Variants in CD96 observed in about 807,000 individuals in gnomAD.
CD96 encodes T-cell surface protein tactile.
CD96 carries 70 observed loss-of-function variants against 71.3 expected under a neutral mutation model. The observed-to-expected ratio is 0.98, with a 90% confidence interval of 0.81 to 1.20. The LOEUF (loss-of-function observed/expected upper bound fraction) is 1.20. Among genes scored for constraint, CD96 ranks in the 50% most tolerant of loss-of-function variants. The probability of loss-of-function intolerance (pLI) is 0.00; values close to 1 mark genes in which losing one functional copy is unlikely to be tolerated. For synonymous variants in CD96, 248 were observed against 233.0 expected (o/e 1.06, Z -0.59); for missense variants, 742 against 677.5 (o/e 1.10, Z -1.06).
intron 12 of CD96, among the ~76,000 whole-genome samples, chr3:111,644,948 T>C (rs949435631): frequency 1.3e-5 from 2 of 152,168 alleles, no homozygotes; most frequent in African/African-American, 2.4e-5. Context: ...TAGAAAACAG[T>C]GTGAAGATTC....
chr3:111,661,548 C>G (rs1940358521), intron 14 of CD96, among the ~76,000 whole-genome samples: 1 of 152,226 alleles, frequency 6.6e-6, no homozygotes, highest in Non-Finnish European at 1.5e-5. Flanking sequence ...AATGAGGGTA[C>G]AGATGTTGGG....
chr3:111,574,494 T>C (rs1189121447), intron 3 of CD96, among the ~76,000 whole-genome samples: 1 of 152,188 alleles, frequency 6.6e-6, no homozygotes, highest in African/African-American at 2.4e-5. Flanking sequence ...CTGTTCTAAA[T>C]TGAAAATTTT....
chr3:111,563,021 C>A (rs1371443505), intron 2 of CD96, among the ~76,000 whole-genome samples: 1 of 152,306 alleles, frequency 6.6e-6, no homozygotes, highest in Admixed American at 6.5e-5. Flanking sequence ...TGAGGGCCTG[C>A]TTGCTAAATC....
chr3:111,659,925 G>C (rs927935217), intron 14 of CD96, among the ~76,000 whole-genome samples: 2 of 152,104 alleles, frequency 1.3e-5, no homozygotes, highest in Non-Finnish European at 2.9e-5. Context: ...ACATCATACT[G>C]AATAGGCAAA....
chr3:111,630,691 CAG>C (rs1409094229), intron 10 of CD96, among the ~76,000 whole-genome samples: 1 of 152,148 alleles, frequency 6.6e-6, no homozygotes, highest in Admixed American at 6.5e-5. Flanking sequence ...CAAAACCTGG[CAG>C]AGATACAACA....
chr3:111,578,289 G>A (rs568888552), intron 3 of CD96, among the ~76,000 whole-genome samples: 17 of 152,258 alleles, frequency 1.1e-4, no homozygotes, highest in Non-Finnish European at 2.2e-4. Flanking sequence ...ATCACAGACC[G>A]AAGAAAGGAT....
At chr3:111,602,994 C>G (rs1170168220) in intron 7 of CD96, among the ~76,000 whole-genome samples, 3 of 152,034 alleles carry the variant, frequency 2.0e-5, no homozygotes, top group South Asian at 4.1e-4. Flanking sequence ...GCCCAGTCTC[C>G]CAAGTGTTCA....
chr3:111,646,654 G>T (rs1199873383), intron 12 of CD96, among the ~76,000 whole-genome samples: 2 of 151,866 alleles, frequency 1.3e-5, no homozygotes, highest in African/African-American at 4.8e-5. Context: ...AAGCAGTTTG[G>T]CTATTGCTCA....
At chr3:111,608,267 A>G (rs1434009359) in intron 8 of CD96, among the ~76,000 whole-genome samples, 2 of 152,188 alleles carry the variant, frequency 1.3e-5, no homozygotes, top group African/African-American at 2.4e-5. Context: ...TTCAAGAAAC[A>G]GTGTGACTAA....
chr3:111,608,381 A>C (rs1317964123), intron 8 of CD96, among the ~76,000 whole-genome samples: 1 of 152,328 alleles, frequency 6.6e-6, no homozygotes. Context: ...TCCATCTTAT[A>C]CTCAAGGGGA....
intron 4 of CD96, among the ~76,000 whole-genome samples, chr3:111,581,248 G>C (rs750176360): frequency 3.3e-5 from 5 of 152,038 alleles, no homozygotes; most frequent in Admixed American, 6.5e-5. Flanking sequence ...TTTGCATTTA[G>C]TAAATTGGCT....
At chr3:111,549,926 CA>C (rs1248726573) in intron 2 of CD96, among the ~76,000 whole-genome samples, 2 of 152,054 alleles carry the variant, frequency 1.3e-5, no homozygotes, top group Non-Finnish European at 2.9e-5. Context: ...GCTGAAGATA[CA>C]GAGTCATCTG....
At chr3:111,549,831 A>C (rs1413127621) in intron 2 of CD96, among the ~76,000 whole-genome samples, 1 of 152,176 alleles carries the variant, frequency 6.6e-6, no homozygotes, top group East Asian at 1.9e-4. Flanking sequence ...AATCTTATAG[A>C]TGTTGAGTTA....
At chr3:111,542,861 G>C (rs1025220111) in intron 1 of CD96, among the ~76,000 whole-genome samples, 4 of 152,192 alleles carry the variant, frequency 2.6e-5, no homozygotes, top group Non-Finnish European at 4.4e-5. Context: ...GTGGGAACGA[G>C]AGCCTAATGG....
intron 12 of CD96, among the ~76,000 whole-genome samples, chr3:111,646,602 T>C (rs1428632063): frequency 6.6e-6 from 1 of 151,788 alleles, no homozygotes; most frequent in East Asian, 1.9e-4. Flanking sequence ...GGAATGCTTA[T>C]ACACTGCCGG....
At chr3:111,627,891 C>T (rs1018644475) in intron 10 of CD96, among the ~76,000 whole-genome samples, 15 of 152,102 alleles carry the variant, frequency 9.9e-5, no homozygotes, top group African/African-American at 3.4e-4. Flanking sequence ...GGGGTAGACC[C>T]GTAGCAAACC....
chr3:111,555,819 A>G (rs1358095300), intron 2 of CD96, among the ~76,000 whole-genome samples: 18 of 152,290 alleles, frequency 1.2e-4, no homozygotes, highest in African/African-American at 4.1e-4. Flanking sequence ...AAATATGTGA[A>G]GTTTTTGGCC....
rs1939994330 is a variant in CD96, at chr3:111,649,740, C to T, written c.1644C>T (p.Ile548=). 1 of 1,614,060 alleles carries T rather than the reference C, an allele frequency of 6.2e-7. No homozygotes were observed. The highest frequency in any genetic ancestry group is 8.5e-7 in the Non-Finnish European group (1 of 1,179,864). The part of the protein sequence containing the change: ...PPPFKPPPPP[I]KYTCIQEPNE... Reference sequence around the variant, plus strand: ...CTTTCAAGCCACCACCACCTCCCATCAAGTACACTTGCATTCAAGAGCCCA... The same window carrying T: ...CTTTCAAGCCACCACCACCTCCCATTAAGTACACTTGCATTCAAGAGCCCA... Residue 548 remains isoleucine, a synonymous_variant, in exon 14 of 14, where the codon ATC becomes ATT. Transcript: ENST00000352690.
At chr3:111,643,070 T>TAAAAAAAAAAAAAAAAAAAAAAAAAA (rs201908883) in intron 12 of CD96, among the ~76,000 whole-genome samples, 2 of 94,356 alleles carry the variant, frequency 2.1e-5, no homozygotes, top group Admixed American at 2.2e-4. Flanking sequence ...CCAAAATCCT[T>TAAAAAAAAAAAAAAAAAAAAAAAAAA]AAAAAAAAAA....
Sources: gnomAD v4.1 joint callset for allele counts (sites outside exome capture counted in the v4.1 genomes callset) on GRCh38, gnomAD v4.1.1 for gene constraint, MANE v1.5 for transcripts, NCBI Gene and HGNC (gene_info 2026-07-23, HGNC 2026-07-21) for gene names.